ALDH1A3: variants seen among roughly 807,000 people sequenced by gnomAD.
ALDH1A3 encodes the protein aldehyde dehydrogenase 1 family member A3.
In ALDH1A3, 28 loss-of-function variants were observed where a neutral mutation model predicts 57.5. The ratio of observed to expected loss-of-function variants is 0.49; its 90% CI spans 0.36 to 0.67. The LOEUF is 0.67. Among genes scored for constraint, ALDH1A3 ranks in the 30% least tolerant of loss-of-function variants. The pLI, the probability that ALDH1A3 is intolerant of heterozygous loss-of-function variation, is 0.00. For synonymous variants in ALDH1A3, 281 were observed against 264.8 expected (o/e 1.06, Z -0.59); for missense variants, 507 against 669.4 (o/e 0.76, Z 2.68).
intron 7 of ALDH1A3, among the ~76,000 whole-genome samples, chr15:100,896,473 G>A (rs933272809): frequency 1.3e-5 from 2 of 151,324 alleles, no homozygotes; most frequent in Non-Finnish European, 2.9e-5. Context: ...ATAGAAATAC[G>A]ACGTGCCCAT....
intron 12 of ALDH1A3, 49 bp from the exon 13 acceptor site, chr15:100,914,652 G>A: frequency 6.4e-7 from 1 of 1,570,352 alleles, no homozygotes; most frequent in Non-Finnish European, 8.7e-7. Context: ...TCTACACAAT[G>A]GCTAAGGGAT....
chr15:100,880,550 T>C (rs2041537769), intron 1 of ALDH1A3: 3 of 226,410 alleles, frequency 1.3e-5, no homozygotes, highest in African/African-American at 2.3e-5. Context: ...GCTTAGTTTA[T>C]ACCCGGCTCA....
chr15:100,896,798 A>G (rs1441251085), intron 7 of ALDH1A3, among the ~76,000 whole-genome samples: 2 of 152,236 alleles, frequency 1.3e-5, no homozygotes, highest in African/African-American at 4.8e-5. Context: ...TACAGCCGTT[A>G]CAACAAGGAA....
At chr15:100,908,517 C>A in intron 12 of ALDH1A3, 35 bp downstream of exon 12, 1 of 1,556,484 alleles carries the variant, frequency 6.4e-7, no homozygotes, top group South Asian at 1.1e-5. Flanking sequence ...CTGCCGTGGG[C>A]TGAACACTAG....
rs546789990 is a variant in ALDH1A3 at position 100,914,811 on chromosome 15, G to A, written c.*38G>A. On this transcript the variant is annotated 3_prime_UTR_variant, in exon 13 of 13. Coordinates refer to ENST00000329841, the MANE Select transcript of ALDH1A3 (RefSeq NM_000693.4). ...GCTCCTTCCTCAAACATCGGACGGC[G>A]GAATGTGGCAGATGAAATGTGCTGG... 5.6e-5 allele frequency: 90 copies of A among 1,594,420 alleles called. No individual in the cohort carries two copies. Among genetic ancestry groups the A allele is most frequent in the African/African-American group, 2.9e-4 (22 of 74,614 alleles).
chr15:100,901,498 A>G (rs1214210957), intron 9 of ALDH1A3, among the ~76,000 whole-genome samples: 1 of 152,042 alleles, frequency 6.6e-6, no homozygotes, highest in East Asian at 1.9e-4. Flanking sequence ...ACTTGTGTCT[A>G]TCCCGGGAGG....
At chr15:100,900,190 CA>C (rs757942665) in intron 8 of ALDH1A3, among the ~76,000 whole-genome samples, 45 of 152,186 alleles carry the variant, frequency 3.0e-4, no homozygotes, top group Admixed American at 8.5e-4. Flanking sequence ...AAGTTCTCGC[CA>C]GGGGGCCTAC....
At chr15:100,902,300 C>T (rs188094173) in intron 9 of ALDH1A3, among the ~76,000 whole-genome samples, 395 of 152,322 alleles carry the variant, frequency 2.6e-3, no homozygotes, top group South Asian at 9.9e-3. Flanking sequence ...TTTATGCCAC[C>T]GCTCAAAGTC....
At chr15:100,885,128 A>G (rs2041582777) in intron 1 of ALDH1A3, 139 bp from the exon 2 acceptor site, 2 of 641,968 alleles carry the variant, frequency 3.1e-6, no homozygotes, top group South Asian at 1.8e-5. Context: ...GGTCTCATCT[A>G]TAAGATGTCG....
intron 2 of ALDH1A3, among the ~76,000 whole-genome samples, chr15:100,886,937 C>T (rs2041600551): frequency 6.6e-6 from 1 of 152,200 alleles, no homozygotes; most frequent in Non-Finnish European, 1.5e-5. Flanking sequence ...GGATCAAATG[C>T]CAGGCAGACA....
rs964290424 is a variant in ALDH1A3, at chr15:100,880,173, G to A, written c.99+167G>A. On this transcript the variant is annotated intron_variant, in intron 1 of 12. Coordinates refer to ENST00000329841, the MANE Select transcript of ALDH1A3 (RefSeq NM_000693.4). ...TCTCCAGAAACCGCACCTTTCGCGG[G>A]ACGTCTCGGGCGGGATCGCAGGCGG... The A allele has an allele frequency of 5.2e-4, 221 of 428,752 alleles. 1 individual carries two copies. The highest frequency in any genetic ancestry group is 3.0e-3 in the Middle Eastern group (5 of 1,658). 26.6% of individuals were successfully genotyped at this position (428,752 alleles called of 1,614,324 possible). A position where few individuals can be genotyped will look rare whatever the true frequency, so the allele number is the denominator to read the frequency against.
At position 100,887,472 on chromosome 15, in the gene ALDH1A3, C is replaced by G; in HGVS notation, c.205-100C>G. The G allele has an allele frequency of 7.2e-7, 1 of 1,381,210 alleles. No homozygotes were observed. The highest frequency in any genetic ancestry group is 9.6e-7 in the Non-Finnish European group (1 of 1,036,590). The allele number at this position is 1,381,210 out of a possible 1,614,324, so 85.6% of individuals were successfully genotyped here. A position where few individuals can be genotyped will look rare whatever the true frequency, so the allele number is the denominator to read the frequency against. ...GATGACACCCAAACTGCAGTCACCTCAAAAGATGACACCCAAACTTCAGTC... is the reference window on the plus strand; with the variant it reads ...GATGACACCCAAACTGCAGTCACCTGAAAAGATGACACCCAAACTTCAGTC... On this transcript the variant is annotated intron_variant, in intron 2 of 12. Transcript: ENST00000329841. This position sits in a 1 kb window ranked among gnomAD's most constrained non-coding sequence, Gnocchi z 4.6.
rs149798954 is a variant in ALDH1A3, at chr15:100,906,956, C to A, written c.1234-165C>A. Among the ~76,000 whole-genome samples the A allele has an allele frequency of 2.0e-5, 3 of 152,308 alleles. No individual in the cohort carries two copies. Among genetic ancestry groups the A allele is most frequent in the African/African-American group, 7.2e-5 (3 of 41,546 alleles). The stretch of plus-strand genomic sequence containing the variant: ...TTCCCTTCAGTCTCCAATGGCAATG[C>A]AGCTGAAGCAATGTTTGGACGTTCT... On this transcript the variant is annotated intron_variant, in intron 10 of 12. Coordinates refer to ENST00000329841, the MANE Select transcript of ALDH1A3 (RefSeq NM_000693.4). The surrounding 1 kb of genome is among the most constrained non-coding windows in gnomAD (Gnocchi z 4.8).
In ALDH1A3 at chr15:100,889,876, C is replaced by T. The variant is rs964662607; in HGVS notation, c.345+2164C>T. 3.9e-5 allele frequency among the ~76,000 whole-genome samples: 6 copies of T among 152,212 alleles called. No individual in the cohort carries two copies. The highest frequency in any genetic ancestry group is 2.1e-4 in the South Asian group (1 of 4,826). ...GGGACAAGAGAATTACTGGCAAACACGGTTTTTAAAACTCCAACCACATCA... is the reference window on the plus strand; with the variant it reads ...GGGACAAGAGAATTACTGGCAAACATGGTTTTTAAAACTCCAACCACATCA... On this transcript the variant is annotated intron_variant, in intron 3 of 12. Coordinates refer to ENST00000329841, the MANE Select transcript of ALDH1A3 (RefSeq NM_000693.4). This position sits in a 1 kb window ranked among gnomAD's most constrained non-coding sequence, Gnocchi z 5.1.
chr15:100,908,579 T>C (rs1596134509), intron 12 of ALDH1A3, 97 bp downstream of exon 12: 74 of 1,070,902 alleles, frequency 6.9e-5, no homozygotes, highest in Non-Finnish European at 9.3e-5. Context: ...TGACACCCCG[T>C]CCCCCCCACA....
At chr15:100,892,337 C>G in intron 3 of ALDH1A3, 173 bp from the exon 4 acceptor site, 2 of 813,460 alleles carry the variant, frequency 2.5e-6, no homozygotes, top group Non-Finnish European at 1.9e-6. Context: ...CACTCAGAGA[C>G]AGGCCTCGCT....
chr15:100,886,347 C>A (rs1596205849), intron 2 of ALDH1A3, among the ~76,000 whole-genome samples: 1 of 152,272 alleles, frequency 6.6e-6, no homozygotes, highest in East Asian at 1.9e-4. Flanking sequence ...AGGAGACTCC[C>A]AAGTGCCCCG....
intron 1 of ALDH1A3, among the ~76,000 whole-genome samples, chr15:100,884,402 A>T (rs976494760): frequency 6.6e-6 from 1 of 152,130 alleles, no homozygotes; most frequent in East Asian, 1.9e-4. Context: ...TTTCATTCTC[A>T]TCTGCATTCT....
intron 12 of ALDH1A3, chr15:100,913,715 A>T (rs2041904947): frequency 2.0e-5 from 3 of 152,232 alleles, no homozygotes; most frequent in Admixed American, 2.0e-4. Flanking sequence ...TGCCTACGAT[A>T]GTAGGGCTGG....
Sources: gnomAD v4.1 joint callset for allele counts (sites outside exome capture counted in the v4.1 genomes callset) on GRCh38, gnomAD v4.1.1 for gene constraint, Gnocchi (gnomAD v3.1) non-coding constraint, MANE v1.5 for transcripts, NCBI Gene and HGNC (gene_info 2026-07-23, HGNC 2026-07-21) for gene names.